KLF8: variants seen among roughly 807,000 people sequenced by gnomAD.
KLF8 encodes KLF transcription factor 8, also known as Krueppel-like factor 8.
Under a neutral mutation model 18.2 loss-of-function variants are expected in KLF8, and 10 were observed. The ratio of observed to expected loss-of-function variants is 0.55; its 90% CI spans 0.34 to 0.93. KLF8 has a LOEUF of 0.93. Among genes scored for constraint, KLF8 ranks in the 40% least tolerant of loss-of-function variants. The pLI, the probability that KLF8 is intolerant of heterozygous loss-of-function variation, is 0.02. For synonymous variants in KLF8, 109 were observed against 97.3 expected (o/e 1.12, Z -0.71); for missense variants, 264 against 277.9 (o/e 0.95, Z 0.36).
At chrX:55,935,848 G>A in the KLF8 span, among the ~76,000 whole-genome samples, 2 of 111,565 alleles carry the variant, frequency 1.8e-5, no homozygotes, top group African/African-American at 6.5e-5. Flanking sequence ...TATACTAAAA[G>A]TATAAAAACA....
chrX:56,133,252 T>A, the KLF8 span, among the ~76,000 whole-genome samples: 1 of 111,815 alleles, frequency 8.9e-6, no homozygotes, highest in Non-Finnish European at 1.9e-5. Context: ...TGAACATAGA[T>A]GCAAATATCC....
chrX:56,267,058 T>A (rs1180831195), intron 3 of KLF8: 3 of 752,530 alleles, frequency 4.0e-6, no homozygotes, highest in Non-Finnish European at 4.7e-6. Context: ...ATTCCTCGTG[T>A]GACAGTTTAT....
At chrX:55,919,563 G>C in the KLF8 span, among the ~76,000 whole-genome samples, 1 of 111,304 alleles carries the variant, frequency 9.0e-6, no homozygotes, top group Non-Finnish European at 1.9e-5. Flanking sequence ...TTTTAGGATT[G>C]CAGGCTGTGT....
chrX:56,065,286 T>A, the KLF8 span, among the ~76,000 whole-genome samples: 5 of 111,823 alleles, frequency 4.5e-5, no homozygotes, highest in African/African-American at 6.5e-5. Flanking sequence ...TTTTTAATTT[T>A]TTCCTGTTTT....
chrX:56,123,280 A>AAAG, the KLF8 span, among the ~76,000 whole-genome samples: 1 of 101,678 alleles, frequency 9.8e-6, no homozygotes, highest in African/African-American at 4.3e-5. Context: ...AAAAAGAAAG[A>AAAG]AAGAAAGAAA....
the KLF8 span, among the ~76,000 whole-genome samples, chrX:56,065,735 G>T: frequency 9.0e-6 from 1 of 111,605 alleles, no homozygotes; most frequent in Non-Finnish European, 1.9e-5. Context: ...TATGTTGTTG[G>T]TTGGGTAGGG....
the KLF8 span, among the ~76,000 whole-genome samples, chrX:56,190,164 A>G: frequency 9.0e-6 from 1 of 111,688 alleles, no homozygotes; most frequent in Non-Finnish European, 1.9e-5. Context: ...TGGAAACATA[A>G]ATAAGCCACC....
chrX:55,923,742 G>C, the KLF8 span, among the ~76,000 whole-genome samples: 1 of 87,974 alleles, frequency 1.1e-5, no homozygotes, highest in Non-Finnish European at 2.4e-5. Context: ...GTGTGTGTGT[G>C]TGTATATCTG....
At chrX:56,081,323 T>C in the KLF8 span, among the ~76,000 whole-genome samples, 327 of 112,183 alleles carry the variant, frequency 2.9e-3, no homozygotes, top group African/African-American at 1.0e-2. Context: ...GATGGGTTTT[T>C]GGTGTGGATG....
chrX:56,230,384 GAAAC>G (rs1360909961), upstream of KLF8, among the ~76,000 whole-genome samples: 3 of 112,183 alleles, frequency 2.7e-5, no homozygotes. Flanking sequence ...TATACATTGA[GAAAC>G]AAAGCCTCCA....
At chrX:56,160,974 C>G in the KLF8 span, among the ~76,000 whole-genome samples, 2 of 111,357 alleles carry the variant, frequency 1.8e-5, no homozygotes, top group African/African-American at 6.5e-5. Flanking sequence ...GATGCAGTTT[C>G]TTCCTAGCCT....
At chrX:56,061,225 C>G in the KLF8 span, among the ~76,000 whole-genome samples, 1 of 111,252 alleles carries the variant, frequency 9.0e-6, no homozygotes, top group African/African-American at 3.3e-5. Flanking sequence ...TTTGTTTGCT[C>G]TTGCTTCTCT....
At chrX:56,053,450 C>T in the KLF8 span, among the ~76,000 whole-genome samples, 1 of 109,827 alleles carries the variant, frequency 9.1e-6, no homozygotes, top group Admixed American at 9.8e-5. Context: ...CAATTTTCAT[C>T]AAGGATATTG....
chrX:56,059,910 GAA>G, the KLF8 span, among the ~76,000 whole-genome samples: 1 of 111,971 alleles, frequency 8.9e-6, no homozygotes, highest in African/African-American at 3.2e-5. Flanking sequence ...GTAGCTTGAT[GAA>G]GATAGCATTG....
the KLF8 span, among the ~76,000 whole-genome samples, chrX:56,025,510 C>A: frequency 6.3e-5 from 7 of 111,998 alleles, no homozygotes; most frequent in African/African-American, 2.3e-4. Context: ...CACATTTGTA[C>A]ATGAATATGA....
At chrX:56,155,521 G>A in the KLF8 span, among the ~76,000 whole-genome samples, 3 of 110,453 alleles carry the variant, frequency 2.7e-5, no homozygotes, top group Non-Finnish European at 5.7e-5. Context: ...GAGTTAATGG[G>A]TGCACCTCAC....
chrX:56,170,611 G>T, the KLF8 span, among the ~76,000 whole-genome samples: 1 of 109,746 alleles, frequency 9.1e-6, no homozygotes, highest in Admixed American at 9.9e-5. Flanking sequence ...TGAGCATACA[G>T]ACAGGACATT....
the KLF8 span, among the ~76,000 whole-genome samples, chrX:56,048,878 T>C: frequency 8.9e-6 from 1 of 111,939 alleles, no homozygotes; most frequent in African/African-American, 3.2e-5. Flanking sequence ...GTTTTCATGA[T>C]ATTGATTCTT....
the KLF8 span, among the ~76,000 whole-genome samples, chrX:56,158,095 G>A: frequency 1.8e-5 from 2 of 111,691 alleles, no homozygotes; most frequent in African/African-American, 6.5e-5. Flanking sequence ...TCCAGTTTCA[G>A]CTTTCTACAT....
Sources: gnomAD v4.1 joint callset for allele counts (sites outside exome capture counted in the v4.1 genomes callset) on GRCh38, gnomAD v4.1.1 for gene constraint, MANE v1.5 for transcripts, NCBI Gene and HGNC (gene_info 2026-07-23, HGNC 2026-07-21) for gene names.